Variants in LSAMP observed in about 807,000 individuals in gnomAD.
LSAMP encodes limbic system associated membrane protein.
In LSAMP, 7 loss-of-function variants were observed where a neutral mutation model predicts 38.6. The observed-to-expected ratio is 0.18, with a 90% CI of 0.10 to 0.34. The LOEUF (loss-of-function observed/expected upper bound fraction) is 0.34, where lower values mean the gene tolerates loss of function less well. Ranked by LOEUF, LSAMP falls within the 10% of genes least tolerant of loss-of-function variation. LSAMP has a pLI of 1.00. For missense variants in LSAMP, 313 were observed against 420.0 expected, an observed-to-expected ratio of 0.75 and a Z score of 2.23; for synonymous variants, 154 against 166.8, an observed-to-expected ratio of 0.92 and a Z score of 0.59.
chr3:115,889,699 T>A (rs1460227252), intron 3 of LSAMP, among the ~76,000 whole-genome samples: 1 of 151,918 alleles, frequency 6.6e-6, no homozygotes, highest in Non-Finnish European at 1.5e-5. Context: ...GGTAACCCTA[T>A]AAGAGAAGTT....
chr3:116,302,020 A>G (rs1457059388), intron 1 of LSAMP, among the ~76,000 whole-genome samples: 1 of 152,172 alleles, frequency 6.6e-6, no homozygotes, highest in Admixed American at 6.5e-5. Flanking sequence ...TGTAACAGAC[A>G]CTGCTCAATG....
intron 1 of LSAMP, among the ~76,000 whole-genome samples, chr3:116,353,441 G>A (rs1348667792): frequency 3.3e-5 from 5 of 151,876 alleles, no homozygotes; most frequent in Admixed American, 1.3e-4. Context: ...TAATTACTTC[G>A]TATGCAAAAG....
At chr3:115,930,786 T>C (rs534866375) in intron 3 of LSAMP, among the ~76,000 whole-genome samples, 1 of 152,300 alleles carries the variant, frequency 6.6e-6, no homozygotes, top group East Asian at 1.9e-4. Flanking sequence ...TTTGGGTCTT[T>C]AGAGGTTCCT....
At chr3:115,924,460 GT>G (rs1937454135) in intron 3 of LSAMP, among the ~76,000 whole-genome samples, 1 of 152,196 alleles carries the variant, frequency 6.6e-6, no homozygotes, top group African/African-American at 2.4e-5. Context: ...CAGAGAGAAT[GT>G]TTGATTGGAA....
At chr3:116,378,465 G>C (rs1441849750) in intron 1 of LSAMP, among the ~76,000 whole-genome samples, 1 of 152,036 alleles carries the variant, frequency 6.6e-6, no homozygotes, top group African/African-American at 2.4e-5. Flanking sequence ...AAAGAGTTTA[G>C]GTTCCAGTGT....
At chr3:116,411,326 C>T (rs1011981236) in intron 1 of LSAMP, among the ~76,000 whole-genome samples, 6 of 151,886 alleles carry the variant, frequency 4.0e-5, no homozygotes, top group African/African-American at 4.8e-5. Flanking sequence ...CACATGCACA[C>T]GTATGTTTAG....
At chr3:115,848,096 C>G (rs898259835) in intron 4 of LSAMP, among the ~76,000 whole-genome samples, 5 of 152,100 alleles carry the variant, frequency 3.3e-5, no homozygotes, top group Non-Finnish European at 1.5e-5. Flanking sequence ...CAAGAATAAA[C>G]TAAAGATGAG....
At chr3:116,391,941 T>A (rs2048705999) in intron 1 of LSAMP, among the ~76,000 whole-genome samples, 2 of 152,092 alleles carry the variant, frequency 1.3e-5, no homozygotes, top group South Asian at 4.1e-4. Flanking sequence ...CTGCCAACCC[T>A]GACACTCCAA....
At chr3:115,826,714 C>G (rs970957220) in intron 6 of LSAMP, among the ~76,000 whole-genome samples, 4 of 152,194 alleles carry the variant, frequency 2.6e-5, no homozygotes, top group African/African-American at 9.6e-5. Flanking sequence ...TTAACTTAAC[C>G]TGTGCCAAAA....
chr3:115,965,552 A>G (rs1005599776), intron 3 of LSAMP, among the ~76,000 whole-genome samples: 19 of 151,760 alleles, frequency 1.3e-4, no homozygotes, highest in African/African-American at 4.6e-4. Context: ...TTCATCAAAC[A>G]GTAATTGAAA....
At chr3:115,852,743 G>A in intron 3 of LSAMP, 126 bp from the exon 4 acceptor site, 1 of 933,232 alleles carries the variant, frequency 1.1e-6, no homozygotes, top group East Asian at 2.8e-5. Context: ...TACTTTGTCT[G>A]ACATCAGATT....
At chr3:116,243,598 C>T (rs1340382132) in intron 1 of LSAMP, among the ~76,000 whole-genome samples, 1 of 152,256 alleles carries the variant, frequency 6.6e-6, no homozygotes, top group Non-Finnish European at 1.5e-5. Context: ...GAATCATCTA[C>T]CCTGAAACAG....
intron 3 of LSAMP, among the ~76,000 whole-genome samples, chr3:115,898,027 C>A (rs1447024989): frequency 6.6e-6 from 1 of 152,088 alleles, no homozygotes; most frequent in East Asian, 1.9e-4. Flanking sequence ...TCCATGATAT[C>A]CCTCCTGAGG....
At chr3:116,296,749 T>TCTACTC (rs2047340959) in intron 1 of LSAMP, among the ~76,000 whole-genome samples, 1 of 142,184 alleles carries the variant, frequency 7.0e-6, no homozygotes, top group Non-Finnish European at 1.5e-5. Flanking sequence ...CTACTGAGGC[T>TCTACTC]CTACTCCTAT....
At chr3:116,001,848 G>T (rs1940002104) in intron 3 of LSAMP, among the ~76,000 whole-genome samples, 1 of 151,942 alleles carries the variant, frequency 6.6e-6, no homozygotes. Context: ...AAACTAATTT[G>T]TTCATCTTTA....
intron 6 of LSAMP, among the ~76,000 whole-genome samples, chr3:115,827,649 G>C (rs1477072008): frequency 6.6e-6 from 1 of 152,130 alleles, no homozygotes; most frequent in Non-Finnish European, 1.5e-5. Context: ...GGCAGTGCTT[G>C]GCTCCCCAGG....
intron 1 of LSAMP, among the ~76,000 whole-genome samples, chr3:116,252,613 C>G (rs2046698748): frequency 6.6e-6 from 1 of 152,040 alleles, no homozygotes; most frequent in South Asian, 2.1e-4. Context: ...CTTATGAATT[C>G]TCGTGATTCT....
intron 1 of LSAMP, among the ~76,000 whole-genome samples, chr3:116,422,288 A>G (rs1054419403): frequency 6.6e-5 from 10 of 152,322 alleles, no homozygotes; most frequent in Admixed American, 5.9e-4. Flanking sequence ...CCAACCTCAG[A>G]CTGAAAATAT....
intron 1 of LSAMP, among the ~76,000 whole-genome samples, chr3:116,169,840 GAA>G (rs1444349611): frequency 6.6e-6 from 1 of 152,124 alleles, no homozygotes; most frequent in Non-Finnish European, 1.5e-5. Flanking sequence ...CGGGTCTTGT[GAA>G]AATTGAGTCA....
Sources: gnomAD v4.1 joint callset for allele counts (sites outside exome capture counted in the v4.1 genomes callset) on GRCh38, gnomAD v4.1.1 for gene constraint, MANE v1.5 for transcripts, NCBI Gene and HGNC (gene_info 2026-07-23, HGNC 2026-07-21) for gene names.